The following STAG3 variants were observed in gnomAD, a reference collection of about 807,000 sequenced individuals.
STAG3 encodes the protein cohesin subunit SA-3.
STAG3 carries 101 observed loss-of-function variants against 160.7 expected under a neutral mutation model. The ratio of observed to expected loss-of-function variants is 0.63; its 90% confidence interval spans 0.54 to 0.74. The LOEUF is 0.74. STAG3 is among the 30% of genes least tolerant of loss of function. The pLI is 0.00. For synonymous variants in STAG3, 519 were observed against 585.0 expected, an observed-to-expected ratio of 0.89 and a Z score of 1.63; for missense variants, 1,188 against 1,517.4, an observed-to-expected ratio of 0.78 and a Z score of 3.61.
intron 9 of STAG3, 78 bp downstream of exon 9, chr7:100,195,460 C>G (rs1347218871): frequency 1.5e-6 from 2 of 1,342,276 alleles, no homozygotes; most frequent in Non-Finnish European, 1.0e-6. Context: ...GGTTTTCCCC[C>G]CTCCAACCCT....
rs1443352849 is a variant in STAG3, at chr7:100,200,223, ACT to A, written c.1678-9_1678-8del. 2 of 1,605,600 alleles carry A rather than the reference ACT, an allele frequency of 1.2e-6. No homozygotes were observed. Among genetic ancestry groups the A allele is most frequent in the East Asian group, 2.2e-5 (1 of 44,562 alleles). ...TTTACACCTCCCCCACCCCCAAGTGACTCTCATTCCAGGGCTTAACCTCTAAG... is the reference window on the plus strand; with the variant it reads ...TTTACACCTCCCCCACCCCCAAGTGACTCATTCCAGGGCTTAACCTCTAAG... On this transcript the variant is annotated splice_polypyrimidine_tract_variant and intron_variant, in intron 16 of 33. Coordinates refer to ENST00000615138, the MANE Select transcript of STAG3 (RefSeq NM_001282717.2).
At chr7:100,191,385 C>A (rs550265404) in intron 8 of STAG3, among the ~76,000 whole-genome samples, 5 of 152,162 alleles carry the variant, frequency 3.3e-5, no homozygotes, top group African/African-American at 1.2e-4. Context: ...GAAACATATA[C>A]GGGCATCATA....
chr7:100,190,833 A>G (rs1800304099), intron 8 of STAG3, among the ~76,000 whole-genome samples: 2 of 152,124 alleles, frequency 1.3e-5, no homozygotes, highest in South Asian at 2.1e-4. Context: ...TTCTAAACCA[A>G]TGACTTCCTA....
At chr7:100,200,177 C>T in intron 16 of STAG3, 59 bp from the exon 17 acceptor site, 1 of 1,317,366 alleles carries the variant, frequency 7.6e-7, no homozygotes, top group Non-Finnish European at 1.1e-6. Flanking sequence ...GGACTGCACA[C>T]ACCCCCTGCA....
intron 9 of STAG3, among the ~76,000 whole-genome samples, chr7:100,196,006 G>A (rs1019772699): frequency 1.3e-5 from 2 of 152,062 alleles, no homozygotes; most frequent in Non-Finnish European, 2.9e-5. Context: ...GCGCATCCCT[G>A]TAATCCCAGC....
intron 18 of STAG3, 98 bp downstream of exon 18, chr7:100,200,640 A>C (rs1020245014): frequency 1.3e-6 from 2 of 1,541,806 alleles, no homozygotes; most frequent in Non-Finnish European, 1.8e-6. Context: ...GGTTCCAGAA[A>C]AATCAGCAAG....
chr7:100,186,260 C>T lies in STAG3; in HGVS notation c.397C>T (p.Leu133Phe), dbSNP rs774790527. 8 of 1,614,070 alleles carry T rather than the reference C, an allele frequency of 5.0e-6. No individual in the cohort carries two copies. The highest frequency in any genetic ancestry group is 5.9e-6 in the Non-Finnish European group (7 of 1,179,996). The change falls in exon 5 of 34, where the codon CTT becomes TTT. Residue 133 changes from leucine (L) to phenylalanine (F), a missense_variant. This residue lies in a region of STAG3 where 296 missense variants were observed against 404.0 expected (regional missense o/e 0.73). Transcript: ENST00000615138. ...AGACCAGGATGCAGGATTTCTGGAG[C>T]TTGTTAACTTTTTCATCCAATCTTG... ...KQDQDAGFLELVNFFIQSCGC... is the reference protein window; with the variant it reads ...KQDQDAGFLEFVNFFIQSCGC...
rs1799727297 is a variant in STAG3 at position 100,182,705 on chromosome 7, T to A, written c.220-18T>A. The A allele has an allele frequency of 6.2e-7, 1 of 1,607,908 alleles. No homozygotes were observed. Among genetic ancestry groups the A allele is most frequent in the Non-Finnish European group, 8.5e-7 (1 of 1,177,888 alleles). ...TTTTGTTTTTTTTTCATATTTCTGA[T>A]CTTTTTATACATATTAGGTGGCAAA... On this transcript the variant is annotated intron_variant, in intron 3 of 33. Coordinates refer to ENST00000615138, the MANE Select transcript of STAG3 (RefSeq NM_001282717.2).
Position 100,199,560 on chromosome 7 carries a change from G to A in STAG3, c.1593G>A (p.Glu531=), listed in dbSNP as rs372391791. The change falls in exon 16 of 34, where the codon GAG becomes GAA. Residue 531 remains glutamate, a synonymous_variant. Coordinates refer to ENST00000615138, the MANE Select transcript of STAG3 (RefSeq NM_001282717.2). ...CTCCAGACCTGGGTGATGTGCAGGA[G>A]AGCACACTGATAGAAATCCTTGTGT... is the stretch of plus-strand genomic sequence containing the variant. ...EKDQNLGDVQ[E]STLIEILVSS... 2.5e-6 allele frequency: 4 copies of A among 1,605,126 alleles called. No homozygotes were observed. In the African/African-American group the frequency reaches 5.3e-5, roughly 21 times the overall value.
chr7:100,199,116 C>T (rs772201215), intron 14 of STAG3, 146 bp from the exon 15 acceptor site: 1 of 878,108 alleles, frequency 1.1e-6, no homozygotes, highest in Non-Finnish European at 1.9e-6. Flanking sequence ...ACAGTGAGAC[C>T]CTGTCTCTAT....
At chr7:100,210,789 C>G (rs1246325562) in intron 29 of STAG3, among the ~76,000 whole-genome samples, 5 of 152,196 alleles carry the variant, frequency 3.3e-5, no homozygotes, top group Non-Finnish European at 1.5e-5. Context: ...TCTTCTTGGA[C>G]AAGGCCTAGC....
intron 15 of STAG3, 45 bp from the exon 16 acceptor site, chr7:100,199,496 T>C (rs1293040030): frequency 6.4e-7 from 1 of 1,570,312 alleles, no homozygotes; most frequent in East Asian, 2.3e-5. Context: ...AGTTGGAAGG[T>C]GGCTAATCTT....
At position 100,200,549 on chromosome 7, in the gene STAG3, A is replaced by G; in HGVS notation, c.1860+7A>G. On this transcript the variant is annotated splice_region_variant and intron_variant, in intron 18 of 33. Coordinates refer to ENST00000615138, the MANE Select transcript of STAG3 (RefSeq NM_001282717.2). ...CACTGGGCGCTTGGAGAAGGTAGGG[A>G]GATAGATTTCCTATACCTTGCTGCT... 1 of 1,613,610 alleles carries G rather than the reference A, an allele frequency of 6.2e-7. No individual in the cohort carries two copies. The highest frequency in any genetic ancestry group is 1.3e-5 in the African/African-American group (1 of 75,032).
At chr7:100,194,365 T>C (rs1171888597) in intron 8 of STAG3, among the ~76,000 whole-genome samples, 1 of 152,180 alleles carries the variant, frequency 6.6e-6, no homozygotes, top group Admixed American at 6.5e-5. Flanking sequence ...TCTCAAGGAA[T>C]GAATAGGGAG....
chr7:100,196,146 G>GA (rs375473347), intron 9 of STAG3, among the ~76,000 whole-genome samples: 20 of 148,764 alleles, frequency 1.3e-4, no homozygotes, highest in South Asian at 4.3e-4. Context: ...AGAAAAAAAA[G>GA]AAAAAAAAAA....
intron 29 of STAG3, among the ~76,000 whole-genome samples, chr7:100,206,345 AAC>A (rs1261723918): frequency 6.6e-6 from 1 of 152,088 alleles, no homozygotes; most frequent in Non-Finnish European, 1.5e-5. Context: ...CTTTTTAAAA[AAC>A]AGCTTCATAT....
intron 16 of STAG3, 167 bp from the exon 17 acceptor site, chr7:100,200,065 CAAAA>C (rs59199513): frequency 3.4e-3 from 1,252 of 370,944 alleles, no homozygotes; most frequent in South Asian, 6.2e-3. Flanking sequence ...GACTCCGTCT[CAAAA>C]AAAAAAAAAA....
intron 32 of STAG3, chr7:100,213,175 G>A: frequency 2.8e-6 from 1 of 359,716 alleles, no homozygotes; most frequent in Non-Finnish European, 3.9e-6. Flanking sequence ...CCTGGGCTTA[G>A]AAGGGCATTC....
chr7:100,202,293 G>T lies in STAG3; in HGVS notation c.2516G>T (p.Ser839Ile). The T allele has an allele frequency of 6.2e-7, 1 of 1,614,164 alleles. No individual in the cohort carries two copies. Among genetic ancestry groups the T allele is most frequent in the Non-Finnish European group, 8.5e-7 (1 of 1,180,028 alleles). Residue 839 changes from serine to isoleucine, a missense_variant, in exon 24 of 34, where the codon AGC becomes ATC. Ser to Ile is a moderately radical substitution (Grantham distance 142, BLOSUM62 -2). This residue lies in a region of STAG3 where 647 missense variants were observed against 717.2 expected (regional missense o/e 0.90). Transcript: ENST00000615138. Reference protein sequence around the residue: ...PEATLQSELASFLMDHVFIQP... With the variant: ...PEATLQSELAIFLMDHVFIQP... ...GCTACTCTCCAGTCTGAGCTAGCCA[G>T]CTTCCTCATGGACCACGTCTTCATC...
Sources: allele counts gnomAD v4.1 joint callset (sites outside exome capture counted in the v4.1 genomes callset), GRCh38; gene constraint gnomAD v4.1.1; regional missense constraint gnomAD v4.1.1; transcripts MANE v1.5; gene names NCBI Gene and HGNC (gene_info 2026-07-23, HGNC 2026-07-21).